UBASH3A: variants seen among roughly 807,000 people sequenced by gnomAD.
UBASH3A encodes ubiquitin-associated and SH3 domain-containing protein A.
UBASH3A carries 63 observed loss-of-function variants against 73.5 expected under a neutral mutation model. That is an observed-to-expected ratio of 0.86 (90% CI 0.70 to 1.06). UBASH3A has a LOEUF of 1.06. Among genes scored for constraint, UBASH3A ranks in the 50% least tolerant of loss-of-function variants. The pLI, the probability that UBASH3A is intolerant of heterozygous loss-of-function variation, is 0.00. For synonymous variants in UBASH3A, 363 were observed against 351.1 expected, an observed-to-expected ratio of 1.03 and a Z score of -0.38; for missense variants, 860 against 859.0, an observed-to-expected ratio of 1.00 and a Z score of -0.02.
chr21:42,429,601 A>T (rs2053495370), intron 8 of UBASH3A, among the ~76,000 whole-genome samples: 1 of 152,134 alleles, frequency 6.6e-6, no homozygotes, highest in Admixed American at 6.5e-5. Context: ...CTACTTGCAG[A>T]TCAGCTCTCT....
At chr21:42,421,582 G>A (rs1297652261) in intron 7 of UBASH3A, among the ~76,000 whole-genome samples, 1 of 152,190 alleles carries the variant, frequency 6.6e-6, no homozygotes, top group African/African-American at 2.4e-5. Context: ...GATCTGTGCT[G>A]GACATTTGCT....
intron 8 of UBASH3A, among the ~76,000 whole-genome samples, chr21:42,431,700 A>G (rs2053535075): frequency 1.3e-5 from 2 of 152,244 alleles, no homozygotes; most frequent in African/African-American, 4.8e-5. Context: ...TGTGCCAGCA[A>G]GAGAGGAGAC....
At chr21:42,437,118 C>T (rs1261998813) in intron 10 of UBASH3A, among the ~76,000 whole-genome samples, 2 of 152,256 alleles carry the variant, frequency 1.3e-5, no homozygotes, top group Non-Finnish European at 2.9e-5. Flanking sequence ...CATTCCTTGC[C>T]ATGTGGTCCC....
chr21:42,444,622 T>A lies in UBASH3A; in HGVS notation c.1827T>A (p.Asp609Glu), dbSNP rs755077377. 1 of 1,614,072 alleles carries A rather than the reference T, an allele frequency of 6.2e-7. No homozygotes were observed. The highest frequency in any genetic ancestry group is 1.1e-5 in the South Asian group (1 of 91,088). Residue 609 changes from aspartate (D) to glutamate (E), a missense_variant, in exon 14 of 15, where the codon GAT becomes GAA. Physicochemically the swap from Asp to Glu is conservative, Grantham distance 45. Coordinates refer to ENST00000319294, the MANE Select transcript of UBASH3A (RefSeq NM_018961.4). Reference sequence around the variant, plus strand: ...GGCTGCCGCCCCGGGAATGTGGGGATTTTGCCCAACTCGTGAGAAAGGTAC... The same window carrying A: ...GGCTGCCGCCCCGGGAATGTGGGGAATTTGCCCAACTCGTGAGAAAGGTAC... ...LLGLPPRECG[D>E]FAQLVRKIPS...
chr21:42,443,537 G>A lies in UBASH3A; in HGVS notation c.1738+119G>A, dbSNP rs376101196. The A allele has an allele frequency of 2.4e-4, 194 of 793,704 alleles. 1 individual carries two copies. The East Asian group carries it at 3.5e-3, about 14-fold the overall frequency. 49.2% of individuals were successfully genotyped at this position (793,704 alleles called of 1,614,324 possible). On this transcript the variant is annotated intron_variant, in intron 13 of 14. Coordinates refer to ENST00000319294, the MANE Select transcript of UBASH3A (RefSeq NM_018961.4). ...GCCCCTACTTCTCCTGCCTGCCCCC[G>A]CCCCCATTCTCCAGCAACAAAGTTT...
At chr21:42,417,204 C>T (rs971004490) in intron 6 of UBASH3A, among the ~76,000 whole-genome samples, 1 of 152,060 alleles carries the variant, frequency 6.6e-6, no homozygotes, top group Non-Finnish European at 1.5e-5. Flanking sequence ...AGGTGGATCA[C>T]TTCAGGTCAG....
chr21:42,424,564 G>C (rs919350073), intron 7 of UBASH3A, among the ~76,000 whole-genome samples: 4 of 152,178 alleles, frequency 2.6e-5, no homozygotes, highest in Admixed American at 1.3e-4. Context: ...CAAACAACAG[G>C]GGGGCTTGAG....
intron 7 of UBASH3A, among the ~76,000 whole-genome samples, chr21:42,424,673 C>T (rs1195200887): frequency 6.6e-6 from 1 of 152,178 alleles, no homozygotes; most frequent in African/African-American, 2.4e-5. Context: ...AACCTCAGAG[C>T]AAGTTTACAG....
chr21:42,415,605 T>A (rs1235686710), intron 5 of UBASH3A, among the ~76,000 whole-genome samples: 2 of 152,212 alleles, frequency 1.3e-5, no homozygotes, highest in African/African-American at 4.8e-5. Flanking sequence ...ACGGCGTCTC[T>A]AGCAGGAAAC....
intron 11 of UBASH3A, among the ~76,000 whole-genome samples, chr21:42,439,835 CACACACA>C (rs1221268513): frequency 1.0e-4 from 15 of 146,300 alleles, no homozygotes; most frequent in African/African-American, 2.5e-4. Flanking sequence ...CACACACACC[CACACACA>C]ACACACAACA....
chr21:42,415,125 C>T (rs1568914839), intron 5 of UBASH3A, among the ~76,000 whole-genome samples: 1 of 152,218 alleles, frequency 6.6e-6, no homozygotes, highest in Middle Eastern at 3.2e-3. Flanking sequence ...CCCCCTTGCC[C>T]GCGTTGGTCC....
At chr21:42,416,353 T>G in intron 5 of UBASH3A, 89 bp from the exon 6 acceptor site, 1 of 1,387,990 alleles carries the variant, frequency 7.2e-7, no homozygotes, top group African/African-American at 1.5e-5. Flanking sequence ...CTGAGAGCCC[T>G]TGCCTTGTGG....
chr21:42,429,670 T>G (rs2053496209), intron 8 of UBASH3A, among the ~76,000 whole-genome samples: 1 of 152,046 alleles, frequency 6.6e-6, no homozygotes. Context: ...GTGCTGCCTC[T>G]TGGTGTCAGT....
intron 7 of UBASH3A, among the ~76,000 whole-genome samples, chr21:42,425,737 G>A (rs543897607): frequency 6.6e-6 from 1 of 152,132 alleles, no homozygotes; most frequent in Non-Finnish European, 1.5e-5. Flanking sequence ...TCCTGGCTCT[G>A]GACGGGTCTC....
chr21:42,443,271 G>A (rs766477257), intron 12 of UBASH3A, 41 bp from the exon 13 acceptor site: 21 of 1,591,670 alleles, frequency 1.3e-5, no homozygotes, highest in African/African-American at 1.1e-4. Context: ...TAATCCCTAC[G>A]AAAGTGCCAG....
At chr21:42,442,729 G>A in intron 12 of UBASH3A, 133 bp downstream of exon 12, 1 of 969,034 alleles carries the variant, frequency 1.0e-6, no homozygotes, top group Non-Finnish European at 1.5e-6. Flanking sequence ...TGCAGCAGGG[G>A]AGAGAGGTGG....
In UBASH3A at chr21:42,440,703, C is replaced by T. The variant is rs758937384; in HGVS notation, c.1487-1749C>T. ...CCTGCCAGGCCAGCAACAACAGTCT[C>T]CTCTCACTGGGGCTTTTACTGCCTC... On this transcript the variant is annotated intron_variant, in intron 11 of 14. Transcript: ENST00000319294. 3.3e-5 allele frequency among the ~76,000 whole-genome samples: 5 copies of T among 152,360 alleles called. No individual in the cohort carries two copies. The South Asian group carries it at 1.0e-3, about 32-fold the overall frequency.
chr21:42,412,342 G>A (rs3788012), intron 3 of UBASH3A, among the ~76,000 whole-genome samples: 12,404 of 152,196 alleles, frequency 0.082, 656 homozygotes, highest in East Asian at 0.28. Context: ...CAGAAAGAGG[G>A]TCCTGCAGCC....
chr21:42,411,501 A>G (rs751651999), intron 3 of UBASH3A, among the ~76,000 whole-genome samples: 3 of 150,062 alleles, frequency 2.0e-5, no homozygotes, highest in Non-Finnish European at 2.9e-5. Context: ...ATGCATACAC[A>G]CAGACACACA....
Sources: allele counts gnomAD v4.1 joint callset (sites outside exome capture counted in the v4.1 genomes callset), GRCh38; gene constraint gnomAD v4.1.1; transcripts MANE v1.5; gene names NCBI Gene and HGNC (gene_info 2026-07-23, HGNC 2026-07-21).